Variants in RNF38 observed in about 807,000 individuals in gnomAD.
RNF38 encodes E3 ubiquitin-protein ligase RNF38.
RNF38 carries 15 observed loss-of-function variants against 67.2 expected under a neutral mutation model. The ratio of observed to expected loss-of-function variants is 0.22; its 90% CI spans 0.15 to 0.34. The LOEUF (loss-of-function observed/expected upper bound fraction) is 0.34, where lower values mean the gene tolerates loss of function less well. Among genes scored for constraint, RNF38 ranks in the 10% least tolerant of loss-of-function variants. RNF38 has a pLI of 1.00. For missense variants in RNF38, 524 were observed against 639.9 expected (o/e 0.82, Z 1.95); for synonymous variants, 220 against 218.8 (o/e 1.01, Z -0.05).
At chr9:36,376,472 T>TTACAC (rs1835793201) in intron 2 of RNF38, among the ~76,000 whole-genome samples, 2 of 152,042 alleles carry the variant, frequency 1.3e-5, no homozygotes, top group African/African-American at 4.8e-5. Context: ...ACCTGAAAAA[T>TTACAC]TACACTACAC....
intron 8 of RNF38, among the ~76,000 whole-genome samples, chr9:36,352,261 T>A (rs1833749266): frequency 1.3e-5 from 2 of 151,466 alleles, no homozygotes; most frequent in Non-Finnish European, 2.9e-5. Flanking sequence ...GCCGAGGTGG[T>A]GCCACTGCAC....
At position 36,478,358 on chromosome 9, in the gene RNF38, C is replaced by A. The variant is rs561354552; in HGVS notation, n.241+8950G>T. ...GGCGGAGCTTGCAGTGAGCCGAGAT[C>A]ACGCCACTGCACTCCAGCCTGGGGG... On this transcript the variant is annotated intron_variant and non_coding_transcript_variant, in intron 1 of 3. Coordinates refer to the RNF38 transcript ENST00000488058. Among the ~76,000 whole-genome samples, 17 of 128,398 alleles carry A rather than the reference C, an allele frequency of 1.3e-4. No individual in the cohort carries two copies. In the South Asian group the frequency reaches 4.1e-3, roughly 31 times the overall value. 84.2% of individuals were successfully genotyped at this position (128,398 alleles called of 152,430 possible). A position where few individuals can be genotyped will look rare whatever the true frequency, so the allele number is the denominator to read the frequency against.
At chr9:36,378,784 G>A (rs1271255865) in intron 2 of RNF38, among the ~76,000 whole-genome samples, 1 of 152,212 alleles carries the variant, frequency 6.6e-6, no homozygotes, top group African/African-American at 2.4e-5. Flanking sequence ...GGTAAGGAAA[G>A]TGGCTGCGAA....
At chr9:36,442,715 G>C (rs535167903) in intron 1 of RNF38, among the ~76,000 whole-genome samples, 3 of 152,214 alleles carry the variant, frequency 2.0e-5, no homozygotes, top group African/African-American at 7.2e-5. Flanking sequence ...GAAAGCAGAG[G>C]TTGCAGCGAG....
At chr9:36,465,100 T>A (rs1334157284) in intron 1 of RNF38, among the ~76,000 whole-genome samples, 1 of 152,108 alleles carries the variant, frequency 6.6e-6, no homozygotes, top group Non-Finnish European at 1.5e-5. Flanking sequence ...AAAAGACAGA[T>A]AACAGAGAAC....
chr9:36,483,842 T>C (rs1395442117), intron 1 of RNF38, among the ~76,000 whole-genome samples: 1 of 151,818 alleles, frequency 6.6e-6, no homozygotes, highest in East Asian at 2.1e-4. Flanking sequence ...AGTTGACACA[T>C]GTGTTAAAAT....
intron 1 of RNF38, among the ~76,000 whole-genome samples, chr9:36,481,814 A>G (rs1840276432): frequency 1.3e-5 from 2 of 152,190 alleles, no homozygotes; most frequent in Admixed American, 1.3e-4. Context: ...TCTCTCTCCA[A>G]GAAAAAATGA....
intron 1 of RNF38, among the ~76,000 whole-genome samples, chr9:36,451,488 G>GTT (rs1298328923): frequency 1.8e-5 from 2 of 112,760 alleles, no homozygotes; most frequent in African/African-American, 7.5e-5. Context: ...AAAAATTGTA[G>GTT]TAGTTTTTTT....
chr9:36,401,219 G>GGGGCT (rs1838014966), upstream of RNF38: 2 of 979,590 alleles, frequency 2.0e-6, no homozygotes, highest in Non-Finnish European at 2.4e-6. Flanking sequence ...GGGGCGGGGC[G>GGGGCT]GGGCTGCGCG....
At chr9:36,481,426 C>G (rs958269046) in intron 1 of RNF38, among the ~76,000 whole-genome samples, 1 of 152,198 alleles carries the variant, frequency 6.6e-6, no homozygotes, top group African/African-American at 2.4e-5. Flanking sequence ...GTCCCAAGAA[C>G]AGCGCTAATA....
chr9:36,477,575 A>G (rs955877115), intron 1 of RNF38, among the ~76,000 whole-genome samples: 3 of 151,928 alleles, frequency 2.0e-5, no homozygotes, highest in African/African-American at 7.2e-5. Context: ...TAATCCCAAC[A>G]CTTTGGGAGG....
intron 2 of RNF38, among the ~76,000 whole-genome samples, chr9:36,376,596 T>C (rs1371037752): frequency 1.3e-5 from 2 of 152,126 alleles, no homozygotes; most frequent in Admixed American, 1.3e-4. Flanking sequence ...TCCCTCCTTC[T>C]ATCTGTTTAG....
chr9:36,365,845 T>C (rs1834911737), intron 4 of RNF38, among the ~76,000 whole-genome samples: 1 of 151,840 alleles, frequency 6.6e-6, no homozygotes. Context: ...TTTGTATTTT[T>C]AGTAGAGACG....
chr9:36,447,125 C>CA (rs535462916), intron 1 of RNF38, among the ~76,000 whole-genome samples: 16,849 of 92,828 alleles, frequency 0.18, 1,271 homozygotes, highest in East Asian at 0.37. Flanking sequence ...AGACTGTCTC[C>CA]AAAAAAAAAA....
intron 2 of RNF38, among the ~76,000 whole-genome samples, chr9:36,386,640 A>G (rs1414664326): frequency 6.6e-6 from 1 of 152,160 alleles, no homozygotes; most frequent in Non-Finnish European, 1.5e-5. Context: ...CACAAGATAC[A>G]AGACCTTCCT....
In RNF38 at chr9:36,369,667, A is replaced by C. The variant is rs1246936681; in HGVS notation, c.570+52T>G. ...AAAAAGCCAAAAAAAAAAAATCTCA[A>C]ACTGCCACAAAATTTCAGCTTCTGT... On this transcript the variant is annotated intron_variant, in intron 4 of 11. Coordinates refer to ENST00000259605, the MANE Select transcript of RNF38 (RefSeq NM_022781.5). 47 of 1,440,688 alleles carry C rather than the reference A, an allele frequency of 3.3e-5. No homozygotes were observed. The East Asian group carries it at 9.9e-4, about 30-fold the overall frequency. 89.2% of individuals were successfully genotyped at this position (1,440,688 alleles called of 1,614,324 possible).
At chr9:36,476,279 T>C (rs1421369416) in intron 1 of RNF38, among the ~76,000 whole-genome samples, 2 of 151,952 alleles carry the variant, frequency 1.3e-5, no homozygotes, top group Non-Finnish European at 2.9e-5. Context: ...CCATCATGCC[T>C]GGCTAATTTT....
chr9:36,473,512 T>C (rs930891513), intron 1 of RNF38, among the ~76,000 whole-genome samples: 2 of 151,410 alleles, frequency 1.3e-5, no homozygotes, highest in African/African-American at 4.9e-5. Context: ...TGCTTGAACC[T>C]GAGAGGTGGA....
intron 2 of RNF38, among the ~76,000 whole-genome samples, chr9:36,383,745 G>C (rs1230500914): frequency 2.6e-5 from 4 of 151,386 alleles, no homozygotes; most frequent in African/African-American, 9.7e-5. Context: ...TTACCATGTT[G>C]TTTTCAAAAG....
Sources: gnomAD v4.1 joint callset for allele counts (sites outside exome capture counted in the v4.1 genomes callset) on GRCh38, gnomAD v4.1.1 for gene constraint, MANE v1.5 for transcripts, NCBI Gene and HGNC (gene_info 2026-07-23, HGNC 2026-07-21) for gene names.